The following TASP1 variants were observed in gnomAD, a reference collection of about 807,000 sequenced individuals.
TASP1 encodes taspase 1.
Under a neutral mutation model 56.6 loss-of-function variants are expected in TASP1, and 16 were observed. The ratio of observed to expected loss-of-function variants is 0.28; its 90% CI spans 0.19 to 0.43. The LOEUF is 0.43. Ranked by LOEUF, TASP1 falls within the 20% of genes least tolerant of loss-of-function variation. TASP1 has a pLI of 1.00. For missense variants in TASP1, 393 were observed against 511.6 expected, an observed-to-expected ratio of 0.77 and a Z score of 2.24; for synonymous variants, 179 against 184.2, an observed-to-expected ratio of 0.97 and a Z score of 0.23.
At chr20:13,576,387 A>AAGAAAG (rs2046926689) in intron 6 of TASP1, among the ~76,000 whole-genome samples, 1 of 148,778 alleles carries the variant, frequency 6.7e-6, no homozygotes, top group South Asian at 2.1e-4. Context: ...GAAAGAAAGA[A>AAGAAAG]AGAAAGAAAG....
At chr20:13,634,889 G>A (rs1251087520) in intron 1 of TASP1, among the ~76,000 whole-genome samples, 1 of 151,848 alleles carries the variant, frequency 6.6e-6, no homozygotes, top group Non-Finnish European at 1.5e-5. Flanking sequence ...ATAGCTAGGC[G>A]TGGTGGCGCA....
At chr20:13,470,071 T>C (rs1161180188) in intron 11 of TASP1, among the ~76,000 whole-genome samples, 1 of 151,874 alleles carries the variant, frequency 6.6e-6, no homozygotes, top group East Asian at 1.9e-4. Flanking sequence ...GGTTTCTAAA[T>C]GTGATTTTTA....
chr20:13,109,264 T>G, the TASP1 span, among the ~76,000 whole-genome samples: 1 of 152,222 alleles, frequency 6.6e-6, no homozygotes, highest in Admixed American at 6.5e-5. Flanking sequence ...TCCTCCCTTG[T>G]TCTACATCAC....
At chr20:13,588,312 A>G in intron 4 of TASP1, among the ~76,000 whole-genome samples, 2 of 114,632 alleles carry the variant, frequency 1.7e-5, no homozygotes, top group South Asian at 2.6e-4. Context: ...GAAGGAAGAG[A>G]AAGAAAAGGA....
At chr20:13,539,358 G>T (rs1278806359) in intron 8 of TASP1, among the ~76,000 whole-genome samples, 1 of 151,982 alleles carries the variant, frequency 6.6e-6, no homozygotes, top group Non-Finnish European at 1.5e-5. Flanking sequence ...TCTAAACAGA[G>T]TGGTCAACAT....
At chr20:13,594,691 A>T (rs2047663093) in intron 4 of TASP1, among the ~76,000 whole-genome samples, 1 of 152,346 alleles carries the variant, frequency 6.6e-6, no homozygotes. Context: ...GAGTAAAAAG[A>T]AACAAACAAA....
the TASP1 span, among the ~76,000 whole-genome samples, chr20:13,364,666 C>T: frequency 2.6e-5 from 4 of 152,048 alleles, no homozygotes; most frequent in East Asian, 7.7e-4. Context: ...TTGGTATCTC[C>T]CCAACTTGGT....
chr20:13,223,598 C>A, the TASP1 span, among the ~76,000 whole-genome samples: 1 of 152,194 alleles, frequency 6.6e-6, no homozygotes, highest in Non-Finnish European at 1.5e-5. Flanking sequence ...AAAGTACACA[C>A]CCCAAAGCTT....
At chr20:13,199,318 A>G in the TASP1 span, among the ~76,000 whole-genome samples, 20 of 152,086 alleles carry the variant, frequency 1.3e-4, no homozygotes, top group East Asian at 3.3e-3. Context: ...ATATTTGAAT[A>G]ATAACATGCA....
At chr20:13,350,213 T>A in the TASP1 span, among the ~76,000 whole-genome samples, 1 of 141,776 alleles carries the variant, frequency 7.1e-6, no homozygotes. Context: ...TAATAAAAAC[T>A]CCAAAAACTA....
At chr20:13,638,592 G>A (rs766655107) in intron 1 of TASP1, among the ~76,000 whole-genome samples, 7 of 152,198 alleles carry the variant, frequency 4.6e-5, no homozygotes, top group African/African-American at 7.2e-5. Context: ...AGACTGCAAA[G>A]TGGGTGAAGA....
the TASP1 span, among the ~76,000 whole-genome samples, chr20:13,363,670 G>A: frequency 1.3e-5 from 2 of 152,200 alleles, 1 homozygote; most frequent in Admixed American, 1.3e-4. Context: ...AGGGTTTGTG[G>A]AACTGAGCCT....
At chr20:13,491,637 G>A (rs1281407588) in intron 10 of TASP1, among the ~76,000 whole-genome samples, 1 of 152,150 alleles carries the variant, frequency 6.6e-6, no homozygotes, top group Non-Finnish European at 1.5e-5. Context: ...AAATCATATT[G>A]TCAAATTAAG....
intron 11 of TASP1, among the ~76,000 whole-genome samples, chr20:13,461,163 A>G (rs565738126): frequency 3.3e-5 from 5 of 152,184 alleles, no homozygotes; most frequent in Admixed American, 3.3e-4. Flanking sequence ...CACTGGCCAC[A>G]TGGCTCTCTC....
At chr20:13,610,463 A>C (rs2048313842) in intron 4 of TASP1, among the ~76,000 whole-genome samples, 1 of 152,138 alleles carries the variant, frequency 6.6e-6, no homozygotes, top group African/African-American at 2.4e-5. Flanking sequence ...CTAGTGACAC[A>C]AGGCCGGCCA....
chr20:13,492,404 G>C (rs560966302), intron 10 of TASP1, among the ~76,000 whole-genome samples: 1 of 152,112 alleles, frequency 6.6e-6, no homozygotes. Context: ...TACACAGTAC[G>C]TCACCTTTTC....
chr20:13,599,498 C>T (rs958062518), intron 4 of TASP1, among the ~76,000 whole-genome samples: 2 of 151,966 alleles, frequency 1.3e-5, no homozygotes, highest in African/African-American at 2.4e-5. Flanking sequence ...GGACACAGGG[C>T]GGAGAACATC....
rs1395606399 is a variant in TASP1 at position 13,389,595 on chromosome 20, C to T, written c.*765G>A. 1 of 152,602 alleles carries T rather than the reference C, an allele frequency of 6.6e-6. No homozygotes were observed. Among genetic ancestry groups the T allele is most frequent in the Non-Finnish European group, 1.5e-5 (1 of 68,020 alleles). The allele number at this position is 152,602 out of a possible 1,614,324, so 9.5% of individuals were successfully genotyped here. On this transcript the variant is annotated 3_prime_UTR_variant, in exon 14 of 14. Coordinates refer to ENST00000337743, the MANE Select transcript of TASP1 (RefSeq NM_017714.3). Reference sequence around the variant, plus strand: ...CTTTCCATTATACACAAATTAAGGACTGTGCATTACTGTATGTTCTCTTTA... The same window carrying T: ...CTTTCCATTATACACAAATTAAGGATTGTGCATTACTGTATGTTCTCTTTA...
chr20:13,287,044 A>C, the TASP1 span, among the ~76,000 whole-genome samples: 1 of 151,938 alleles, frequency 6.6e-6, no homozygotes, highest in Non-Finnish European at 1.5e-5. Flanking sequence ...CTTTCTGTTA[A>C]CCCAGTGACC....
Sources: gnomAD v4.1 joint callset for allele counts (sites outside exome capture counted in the v4.1 genomes callset) on GRCh38, gnomAD v4.1.1 for gene constraint, MANE v1.5 for transcripts, NCBI Gene and HGNC (gene_info 2026-07-23, HGNC 2026-07-21) for gene names.